The following PDZD2 variants were observed in gnomAD, a reference collection of about 807,000 sequenced individuals.
PDZD2 encodes the protein PDZ domain containing 2.
Under a neutral mutation model 220.7 loss-of-function variants are expected in PDZD2, and 90 were observed. That is an observed-to-expected ratio of 0.41 (90% confidence interval 0.34 to 0.49). The LOEUF (loss-of-function observed/expected upper bound fraction) is 0.49. PDZD2 is among the 20% of genes least tolerant of loss of function. PDZD2 has a pLI of 0.28. For synonymous variants in PDZD2, 1,375 were observed against 1,450.5 expected (o/e 0.95, Z 1.18); for missense variants, 3,174 against 3,608.5 (o/e 0.88, Z 3.08).
intron 2 of PDZD2, among the ~76,000 whole-genome samples, chr5:31,960,252 T>C (rs1424231590): frequency 6.6e-6 from 1 of 151,918 alleles, no homozygotes; most frequent in Non-Finnish European, 1.5e-5. Flanking sequence ...GTTTCACTCT[T>C]GTTGCCCAGG....
rs372048552 is a variant in PDZD2 at position 31,922,877 on chromosome 5, A to T, written c.477-60278A>T. Reference sequence around the variant, plus strand: ...TATTTTTAGTTAGACATGGGATTTTACCATGTTGGCCAGGCTGGTCTTGAA... The same window carrying T: ...TATTTTTAGTTAGACATGGGATTTTTCCATGTTGGCCAGGCTGGTCTTGAA... On this transcript the variant is annotated intron_variant, in intron 2 of 24. Transcript: ENST00000438447. 2.3e-4 allele frequency among the ~76,000 whole-genome samples: 35 copies of T among 152,064 alleles called. 1 individual carries two copies. In the East Asian group the frequency reaches 4.9e-3, roughly 21 times the overall value.
chr5:31,831,459 CA>C (rs1264607319), intron 2 of PDZD2, among the ~76,000 whole-genome samples: 1 of 147,998 alleles, frequency 6.8e-6, no homozygotes, highest in Non-Finnish European at 1.5e-5. Context: ...ACTAAAAATA[CA>C]AAAATTGGCC....
intron 2 of PDZD2, among the ~76,000 whole-genome samples, chr5:31,899,104 G>A (rs1232116909): frequency 2.6e-5 from 4 of 151,528 alleles, no homozygotes; most frequent in Non-Finnish European, 4.4e-5. Context: ...TGGGATTACA[G>A]GTGTGAACCA....
intron 2 of PDZD2, among the ~76,000 whole-genome samples, chr5:31,825,994 C>G (rs372553265): frequency 6.6e-6 from 1 of 151,886 alleles, no homozygotes; most frequent in Non-Finnish European, 1.5e-5. Context: ...GCTCCTGATG[C>G]GAACCAGTTC....
intron 2 of PDZD2, among the ~76,000 whole-genome samples, chr5:31,858,437 A>T (rs1758650895): frequency 6.6e-6 from 1 of 152,204 alleles, no homozygotes; most frequent in East Asian, 1.9e-4. Context: ...TCTTGCTTCT[A>T]ACCTCCAGGT....
intron 2 of PDZD2, among the ~76,000 whole-genome samples, chr5:31,976,563 ACATACT>A (rs1437134045): frequency 6.6e-6 from 1 of 152,024 alleles, no homozygotes; most frequent in African/African-American, 2.4e-5. Context: ...TAGGGACCTG[ACATACT>A]CAGATGAAGT....
chr5:31,902,771 A>G (rs879604056), intron 2 of PDZD2, among the ~76,000 whole-genome samples: 1 of 151,826 alleles, frequency 6.6e-6, no homozygotes, highest in Non-Finnish European at 1.5e-5. Context: ...GGAGGCTGAC[A>G]TAGGAGAATC....
chr5:31,804,580 G>C (rs1754600891), intron 2 of PDZD2, among the ~76,000 whole-genome samples: 1 of 152,124 alleles, frequency 6.6e-6, no homozygotes, highest in Non-Finnish European at 1.5e-5. Context: ...CTAAGTAAGA[G>C]GCAAAATTAG....
chr5:31,853,277 G>A (rs912532330), intron 2 of PDZD2, among the ~76,000 whole-genome samples: 2 of 152,152 alleles, frequency 1.3e-5, no homozygotes, highest in South Asian at 2.1e-4. Flanking sequence ...ATGTTTGGAG[G>A]ACTGGTCTAC....
At chr5:31,657,543 C>T (rs1745598238) in intron 1 of PDZD2, among the ~76,000 whole-genome samples, 2 of 152,198 alleles carry the variant, frequency 1.3e-5, no homozygotes, top group Admixed American at 6.5e-5. Context: ...TCTAAATAGG[C>T]TTACAGGAAA....
intron 2 of PDZD2, among the ~76,000 whole-genome samples, chr5:31,961,737 G>T (rs1239393687): frequency 6.6e-6 from 1 of 152,052 alleles, no homozygotes; most frequent in Non-Finnish European, 1.5e-5. Flanking sequence ...CTCTGCCTCC[G>T]GTTTCAAGGG....
At chr5:31,821,654 C>T (rs1755870616) in intron 2 of PDZD2, among the ~76,000 whole-genome samples, 1 of 152,152 alleles carries the variant, frequency 6.6e-6, no homozygotes, top group African/African-American at 2.4e-5. Context: ...GCTGGGGTTA[C>T]AGGCGTGAGC....
chr5:31,925,557 G>T (rs1042325100), intron 2 of PDZD2, among the ~76,000 whole-genome samples: 1 of 152,052 alleles, frequency 6.6e-6, no homozygotes, highest in Admixed American at 6.6e-5. Flanking sequence ...CCTTGGAAAA[G>T]AATTGATGGC....
chr5:31,961,368 C>CAAAAA (rs60867902), intron 2 of PDZD2, among the ~76,000 whole-genome samples: 1 of 130,772 alleles, frequency 7.6e-6, no homozygotes, highest in African/African-American at 2.9e-5. Flanking sequence ...TCCGTCTCTA[C>CAAAAA]AAAAAAAAAA....
At chr5:31,716,674 G>C (rs1207257853) in intron 1 of PDZD2, among the ~76,000 whole-genome samples, 1 of 152,158 alleles carries the variant, frequency 6.6e-6, no homozygotes, top group Non-Finnish European at 1.5e-5. Flanking sequence ...GTGGTGGTGG[G>C]CACCTGTAGT....
rs57193891 is a variant in PDZD2 at position 32,000,955 on chromosome 5, C to T, written c.1254+684C>T. On this transcript the variant is annotated intron_variant, in intron 5 of 24. Coordinates refer to ENST00000438447, the MANE Select transcript of PDZD2 (RefSeq NM_178140.4). The surrounding 1 kb of genome is among the most constrained non-coding windows in gnomAD (Gnocchi z 4.5). The stretch of plus-strand genomic sequence containing the variant: ...AGACAGCGTTACCTCCTGAGAGCTC[C>T]GCCTCCTGTCAGATCAGCGGCGGCA... Among the ~76,000 whole-genome samples the T allele has an allele frequency of 0.08, 12,117 of 152,242 alleles. 747 individuals carry two copies. The highest frequency in any genetic ancestry group is 0.32 in the East Asian group (1,632 of 5,144).
chr5:31,732,790 A>G (rs1749614717), intron 1 of PDZD2, among the ~76,000 whole-genome samples: 2 of 152,252 alleles, frequency 1.3e-5, no homozygotes, highest in African/African-American at 4.8e-5. Context: ...GTGGAGTGGT[A>G]TGATCTCAGC....
At chr5:32,006,412 G>A (rs1207724909) in intron 5 of PDZD2, among the ~76,000 whole-genome samples, 3 of 145,840 alleles carry the variant, frequency 2.1e-5, no homozygotes, top group African/African-American at 7.6e-5. Context: ...GGAATTGAGT[G>A]GTGTAATCAT....
At chr5:31,894,974 C>G (rs536329327) in intron 2 of PDZD2, among the ~76,000 whole-genome samples, 5 of 152,310 alleles carry the variant, frequency 3.3e-5, no homozygotes, top group African/African-American at 1.2e-4. Flanking sequence ...ACCGCAACCT[C>G]CGCCTCCTGG....
Sources: allele counts gnomAD v4.1 joint callset (sites outside exome capture counted in the v4.1 genomes callset), GRCh38; gene constraint gnomAD v4.1.1; non-coding constraint Gnocchi (gnomAD v3.1); transcripts MANE v1.5; gene names NCBI Gene and HGNC (gene_info 2026-07-23, HGNC 2026-07-21).